Variants in CDKAL1 observed in about 807,000 individuals in gnomAD.
The protein encoded by CDKAL1 is CDKAL1 threonylcarbamoyladenosine tRNA methylthiotransferase.
CDKAL1 carries 32 observed loss-of-function variants against 68.2 expected under a neutral mutation model. The ratio of observed to expected loss-of-function variants is 0.47; its 90% CI spans 0.35 to 0.63. The LOEUF is 0.63. Ranked by LOEUF, CDKAL1 falls within the 30% of genes least tolerant of loss-of-function variation. The pLI is 0.00. For synonymous variants in CDKAL1, 234 were observed against 244.3 expected (o/e 0.96, Z 0.39); for missense variants, 606 against 696.7 (o/e 0.87, Z 1.47).
intron 13 of CDKAL1, among the ~76,000 whole-genome samples, chr6:21,150,116 C>T (rs1464089216): frequency 2.6e-5 from 4 of 152,090 alleles, no homozygotes; most frequent in African/African-American, 9.7e-5. Flanking sequence ...CCTCGGCCTC[C>T]CAAAGTGCTG....
chr6:21,038,689 T>C (rs1769733619), intron 11 of CDKAL1, among the ~76,000 whole-genome samples: 1 of 152,178 alleles, frequency 6.6e-6, no homozygotes, highest in African/African-American at 2.4e-5. Context: ...TGTGATTTTT[T>C]TTGGGGCTCA....
intron 8 of CDKAL1, among the ~76,000 whole-genome samples, chr6:20,818,210 A>T (rs1015035441): frequency 1.3e-5 from 2 of 152,136 alleles, no homozygotes; most frequent in Non-Finnish European, 2.9e-5. Context: ...TTTTGATAAC[A>T]TGTCTCAAAC....
intron 5 of CDKAL1, among the ~76,000 whole-genome samples, chr6:20,695,910 T>A (rs1318312063): frequency 6.6e-6 from 1 of 152,220 alleles, no homozygotes. Flanking sequence ...ACTAAAACTC[T>A]GTACCCATGA....
At chr6:20,638,658 C>T (rs1768017749) in intron 4 of CDKAL1, among the ~76,000 whole-genome samples, 2 of 148,644 alleles carry the variant, frequency 1.3e-5, no homozygotes, top group Admixed American at 1.4e-4. Flanking sequence ...TGTCTCCAGG[C>T]TGGAGTGCAG....
chr6:21,202,027 A>G (rs1173121818), intron 15 of CDKAL1, among the ~76,000 whole-genome samples: 1 of 152,188 alleles, frequency 6.6e-6, no homozygotes, highest in East Asian at 1.9e-4. Flanking sequence ...TGGCCATGTA[A>G]TTCCGAAATT....
intron 5 of CDKAL1, among the ~76,000 whole-genome samples, chr6:20,700,686 T>G (rs1315106745): frequency 2.0e-5 from 3 of 152,126 alleles, no homozygotes; most frequent in Non-Finnish European, 2.9e-5. Context: ...TTCTACTGAT[T>G]GAGGCTAGAT....
chr6:21,116,006 G>A (rs1403578135), intron 13 of CDKAL1, among the ~76,000 whole-genome samples: 1 of 152,102 alleles, frequency 6.6e-6, no homozygotes, highest in East Asian at 1.9e-4. Context: ...CTAATCCAAA[G>A]GCATTTTTCT....
chr6:21,010,193 A>C (rs935665669), intron 11 of CDKAL1, among the ~76,000 whole-genome samples: 21 of 152,206 alleles, frequency 1.4e-4, no homozygotes, highest in African/African-American at 5.1e-4. Context: ...GAGGAGAAAA[A>C]CTACAAATAA....
chr6:21,121,196 T>C (rs1774693016), intron 13 of CDKAL1, among the ~76,000 whole-genome samples: 1 of 152,192 alleles, frequency 6.6e-6, no homozygotes, highest in African/African-American at 2.4e-5. Flanking sequence ...ATTTCTCTTA[T>C]GAATGGTGTC....
At chr6:21,177,173 T>G (rs2151082186) in intron 13 of CDKAL1, among the ~76,000 whole-genome samples, 1 of 152,354 alleles carries the variant, frequency 6.6e-6, no homozygotes, top group Admixed American at 6.5e-5. Flanking sequence ...TATTCTCAGT[T>G]AATTTAAATA....
At chr6:21,098,102 T>G (rs1035806835) in intron 12 of CDKAL1, among the ~76,000 whole-genome samples, 5 of 152,220 alleles carry the variant, frequency 3.3e-5, no homozygotes, top group African/African-American at 1.2e-4. Context: ...GCCTGCACAA[T>G]GGGCACACAG....
intron 5 of CDKAL1, among the ~76,000 whole-genome samples, chr6:20,687,523 CT>C (rs1474019978): frequency 2.0e-5 from 3 of 151,648 alleles, no homozygotes; most frequent in Non-Finnish European, 2.9e-5. Flanking sequence ...ATCTTTTTTT[CT>C]TTTCTTTGTT....
Position 20,610,367 on chromosome 6 carries a change from A to G in CDKAL1, c.287-38926A>G, listed in dbSNP as rs183394272. On this transcript the variant is annotated intron_variant, in intron 4 of 15. Transcript: ENST00000274695. ...GAGGAATCGCCATACAGTATTCCAT[A>G]GTGGCTGAACTAATTTACATTCCCA... is the stretch of plus-strand genomic sequence containing the variant. Among the ~76,000 whole-genome samples the G allele has an allele frequency of 4.6e-5, 7 of 152,332 alleles. No homozygotes were observed. The East Asian group carries it at 1.4e-3, about 29-fold the overall frequency.
chr6:20,768,808 A>G (rs1283467771), intron 7 of CDKAL1, among the ~76,000 whole-genome samples: 1 of 152,058 alleles, frequency 6.6e-6, no homozygotes, highest in East Asian at 1.9e-4. Flanking sequence ...ATTTGAGGGG[A>G]TTTAATGTAG....
chr6:21,166,555 C>T (rs1171400368), intron 13 of CDKAL1, among the ~76,000 whole-genome samples: 1 of 152,134 alleles, frequency 6.6e-6, no homozygotes, highest in Non-Finnish European at 1.5e-5. Flanking sequence ...GCTTTAATAA[C>T]TTCTTGATAG....
At chr6:20,778,715 A>G (rs1416714454) in intron 7 of CDKAL1, among the ~76,000 whole-genome samples, 1 of 152,212 alleles carries the variant, frequency 6.6e-6, no homozygotes, top group Non-Finnish European at 1.5e-5. Flanking sequence ...AAGAAGAGCC[A>G]ATATTTCAGT....
intron 9 of CDKAL1, among the ~76,000 whole-genome samples, chr6:20,914,673 C>G (rs571832002): frequency 1.3e-5 from 2 of 152,312 alleles, no homozygotes; most frequent in Admixed American, 6.5e-5. Flanking sequence ...GTACTGTCTT[C>G]TAAAATGCTA....
At chr6:21,230,543 C>T (rs991974069) in intron 15 of CDKAL1, among the ~76,000 whole-genome samples, 1 of 152,204 alleles carries the variant, frequency 6.6e-6, no homozygotes, top group Non-Finnish European at 1.5e-5. Flanking sequence ...TGTGGTATGA[C>T]TCCACTTTAC....
At chr6:20,665,752 A>G (rs962010446) in intron 5 of CDKAL1, among the ~76,000 whole-genome samples, 1 of 152,096 alleles carries the variant, frequency 6.6e-6, no homozygotes, top group African/African-American at 2.4e-5. Context: ...GAATGAAACA[A>G]TTTTATTCCA....
Sources: allele counts gnomAD v4.1 joint callset (sites outside exome capture counted in the v4.1 genomes callset), GRCh38; gene constraint gnomAD v4.1.1; transcripts MANE v1.5; gene names NCBI Gene and HGNC (gene_info 2026-07-23, HGNC 2026-07-21).